HBS1L: variants seen among roughly 807,000 people sequenced by gnomAD.
HBS1L encodes the protein HBS1-like protein.
In HBS1L, 55 loss-of-function variants were observed where a neutral mutation model predicts 88.9. That is an observed-to-expected ratio of 0.62 (90% confidence interval 0.50 to 0.77). The LOEUF (loss-of-function observed/expected upper bound fraction) is 0.77, where lower values mean the gene tolerates loss of function less well. Among genes scored for constraint, HBS1L ranks in the 30% least tolerant of loss-of-function variants. The pLI is 0.00. For missense variants in HBS1L, 741 were observed against 829.3 expected (o/e 0.89, Z 1.31); for synonymous variants, 267 against 288.5 (o/e 0.93, Z 0.76).
rs1776852511 is a variant in HBS1L, at chr6:135,044,614, T to C, written c.110-2488A>G. Among the ~76,000 whole-genome samples, 4 of 152,206 alleles carry C rather than the reference T, an allele frequency of 2.6e-5. No individual in the cohort carries two copies. The South Asian group carries it at 8.3e-4, about 32-fold the overall frequency. On this transcript the variant is annotated intron_variant, in intron 2 of 17. Transcript: ENST00000367837. ...TACTTAGACTGATAGCCTTTTGTTT[T>C]AAAGTGGTCCTTAAAATAATGATAC...
chr6:134,987,349 G>A (rs1030609124), intron 9 of HBS1L, among the ~76,000 whole-genome samples: 6 of 151,402 alleles, frequency 4.0e-5, no homozygotes, highest in Non-Finnish European at 5.9e-5. Flanking sequence ...AAGGAGAATT[G>A]GTAATATAGG....
intron 1 of HBS1L, among the ~76,000 whole-genome samples, chr6:135,052,687 T>C (rs1052722448): frequency 3.3e-5 from 5 of 152,152 alleles, no homozygotes; most frequent in Non-Finnish European, 7.4e-5. Flanking sequence ...AGAGAATTCT[T>C]TCCTGCAATC....
At chr6:135,042,152 G>A in intron 2 of HBS1L, 26 bp from the exon 3 acceptor site, 2 of 1,604,320 alleles carry the variant, frequency 1.2e-6, no homozygotes, top group Non-Finnish European at 1.7e-6. Context: ...ATCAAAGAAT[G>A]CTATGGTATA....
intron 4 of HBS1L, among the ~76,000 whole-genome samples, chr6:135,038,445 G>A (rs1325052664): frequency 3.3e-5 from 5 of 151,970 alleles, no homozygotes; most frequent in Non-Finnish European, 5.9e-5. Flanking sequence ...AACAACCCCC[G>A]GTAATTTCTA....
chr6:135,009,735 G>A (rs9389255), intron 4 of HBS1L, among the ~76,000 whole-genome samples: 70,589 of 151,336 alleles, frequency 0.47, 16,786 homozygotes, highest in South Asian at 0.56. Context: ...CTGGGTTCAC[G>A]CCATTCTCCG....
intron 5 of HBS1L, among the ~76,000 whole-genome samples, chr6:134,998,904 G>A (rs1775366628): frequency 6.6e-6 from 1 of 152,186 alleles, no homozygotes; most frequent in Non-Finnish European, 1.5e-5. Flanking sequence ...AAACTAGTAG[G>A]TAAAAACAGT....
intron 13 of HBS1L, among the ~76,000 whole-genome samples, chr6:134,981,998 C>G (rs1774844309): frequency 6.6e-6 from 1 of 151,734 alleles, no homozygotes; most frequent in South Asian, 2.1e-4. Flanking sequence ...TAAAATATAC[C>G]TACATTTTTG....
rs1468867751 is a variant in HBS1L, at chr6:134,979,201, A to G, written c.1665T>C (p.Val555=). ...AAGDHVSLTL[V]GMDIIKINVG... ...ACTTGATTTTGATGATATCCATCCC[A>G]ACCAAAGTAAGACTAACATGATCGC... is the stretch of plus-strand genomic sequence containing the variant. Residue 555 remains valine (V), a synonymous_variant, in exon 14 of 18, where the codon GTT becomes GTC. Coordinates refer to ENST00000367837, the MANE Select transcript of HBS1L (RefSeq NM_006620.4). 6.2e-7 allele frequency: 1 copy of G among 1,611,834 alleles called. No individual in the cohort carries two copies. Among genetic ancestry groups the G allele is most frequent in the East Asian group, 2.2e-5 (1 of 44,842 alleles).
rs1774191341 is a variant in HBS1L, at chr6:134,961,653, TTC to T, written c.*3624_*3625del. On this transcript the variant is annotated 3_prime_UTR_variant, in exon 18 of 18. Coordinates refer to ENST00000367837, the MANE Select transcript of HBS1L (RefSeq NM_006620.4). ...ACCCAGTTGCAAAATCACTCCCACT[TTC>T]TGACAGCACTCAATCCACTTTCTGA... The T allele has an allele frequency of 6.6e-6, 1 of 152,092 alleles. No homozygotes were observed. The highest frequency in any genetic ancestry group is 1.5e-5 in the Non-Finnish European group (1 of 68,004). The allele number at this position is 152,092 out of a possible 1,614,324, so 9.4% of individuals were successfully genotyped here. A position where few individuals can be genotyped will look rare whatever the true frequency, so the allele number is the denominator to read the frequency against.
chr6:134,970,004 G>A (rs193052719), intron 15 of HBS1L, among the ~76,000 whole-genome samples: 1 of 151,930 alleles, frequency 6.6e-6, no homozygotes, highest in Admixed American at 6.6e-5. Context: ...AACTATACTG[G>A]GTACAAACAT....
chr6:134,978,778 G>T lies in HBS1L; in HGVS notation c.1698C>A (p.Cys566Ter). The change falls in exon 15 of 18, where the codon TGC becomes TGA. Residue 566 changes from cysteine to a stop codon, truncating the protein, a stop_gained. Coordinates refer to ENST00000367837, the MANE Select transcript of HBS1L (RefSeq NM_006620.4). LOFTEE classifies it high-confidence loss of function. Reference protein sequence around the residue: ...GMDIIKINVGCIFCGPKVPIK... With the variant: ...GMDIIKINVG ...TGGGTACTTTGGGGCCACAAAATAT[G>T]CAGCCAACACTGTAAGAACAACAAA... The T allele has an allele frequency of 6.2e-7, 1 of 1,601,308 alleles. No homozygotes were observed. Among genetic ancestry groups the T allele is most frequent in the South Asian group, 1.1e-5 (1 of 89,648 alleles).
chr6:135,009,043 T>G (rs1354868835), intron 4 of HBS1L, among the ~76,000 whole-genome samples: 1 of 152,200 alleles, frequency 6.6e-6, no homozygotes, highest in Non-Finnish European at 1.5e-5. Flanking sequence ...CCTCCCAAAG[T>G]TGAGATATAA....
At chr6:135,005,266 T>G (rs981733884) in intron 4 of HBS1L, among the ~76,000 whole-genome samples, 4 of 152,220 alleles carry the variant, frequency 2.6e-5, no homozygotes, top group Non-Finnish European at 5.9e-5. Context: ...AGCATTGAAA[T>G]ATTAAAGTTT....
intron 16 of HBS1L, among the ~76,000 whole-genome samples, chr6:134,967,857 C>T (rs541741455): frequency 2.6e-4 from 39 of 152,288 alleles, no homozygotes; most frequent in Middle Eastern, 6.8e-3. Context: ...CACAATACAG[C>T]CTAAAAATAG....
intron 1 of HBS1L, among the ~76,000 whole-genome samples, chr6:135,054,404 C>G (rs982920049): frequency 3.9e-5 from 6 of 152,222 alleles, no homozygotes; most frequent in Admixed American, 6.5e-5. Flanking sequence ...CAATATCCTA[C>G]CCATATGACG....
chr6:135,007,785 C>T (rs982634892), intron 4 of HBS1L, among the ~76,000 whole-genome samples: 1 of 152,152 alleles, frequency 6.6e-6, no homozygotes, highest in Admixed American at 6.5e-5. Context: ...CCCCAAACAA[C>T]TGGAAATTCA....
rs183710939 is a variant in HBS1L at position 135,015,779 on chromosome 6, C to T, written c.431-12937G>A. Among the ~76,000 whole-genome samples, 1,328 of 151,768 alleles carry T rather than the reference C, an allele frequency of 8.8e-3. 10 individuals carry two copies. The highest frequency in any genetic ancestry group is 0.03 in the African/African-American group (1,236 of 41,382). On this transcript the variant is annotated intron_variant, in intron 4 of 17. Coordinates refer to ENST00000367837, the MANE Select transcript of HBS1L (RefSeq NM_006620.4). Reference sequence around the variant, plus strand: ...TTGTATTTTAGTAGACATGGGGTTTCGCTGTGTTGCCCAGGCTGGTCTTGA... The same window carrying T: ...TTGTATTTTAGTAGACATGGGGTTTTGCTGTGTTGCCCAGGCTGGTCTTGA...
chr6:135,006,882 G>A (rs770045296), intron 4 of HBS1L, among the ~76,000 whole-genome samples: 6 of 152,006 alleles, frequency 3.9e-5, no homozygotes, highest in African/African-American at 4.8e-5. Flanking sequence ...AGTGGCATGG[G>A]GGATTCTGGC....
At chr6:135,003,257 G>A (rs991443156) in intron 4 of HBS1L, among the ~76,000 whole-genome samples, 6 of 152,248 alleles carry the variant, frequency 3.9e-5, no homozygotes, top group East Asian at 1.9e-4. Context: ...TTAATCCTGC[G>A]AGGTTTATGA....
Sources: allele counts gnomAD v4.1 joint callset (sites outside exome capture counted in the v4.1 genomes callset), GRCh38; gene constraint gnomAD v4.1.1; transcripts MANE v1.5; gene names NCBI Gene and HGNC (gene_info 2026-07-23, HGNC 2026-07-21).